TACC2: variants seen among roughly 807,000 people sequenced by gnomAD.
TACC2 encodes the protein transforming acidic coiled-coil containing protein 2.
Under a neutral mutation model 227.3 loss-of-function variants are expected in TACC2, and 137 were observed. The observed-to-expected ratio is 0.60, with a 90% CI of 0.52 to 0.69. The LOEUF (loss-of-function observed/expected upper bound fraction) is 0.69. Ranked by LOEUF, TACC2 falls within the 30% of genes least tolerant of loss-of-function variation. TACC2 has a pLI of 0.00. For synonymous variants in TACC2, 1,523 were observed against 1,487.5 expected, an observed-to-expected ratio of 1.02 and a Z score of -0.55; for missense variants, 3,470 against 3,694.4, an observed-to-expected ratio of 0.94 and a Z score of 1.57.
At position 122,082,986 on chromosome 10, in the gene TACC2, T is replaced by A. The variant is rs763800934; in HGVS notation, c.486T>A (p.Thr162=). 6.2e-7 allele frequency: 1 copy of A among 1,612,724 alleles called. No homozygotes were observed. The highest frequency in any genetic ancestry group is 1.1e-5 in the South Asian group (1 of 91,064). ...TTCCCGCTGAGAGGGACAGCTCTAC[T>A]CCATACCAAGAGATTGCTGCCGTCC... The part of the protein sequence containing the change: ...AAFPAERDSS[T]PYQEIAAVPS... Residue 162 remains threonine (T), a synonymous_variant, in exon 4 of 23, where the codon ACT becomes ACA. Coordinates refer to ENST00000369005, the MANE Select transcript of TACC2 (RefSeq NM_206862.4).
At chr10:122,019,627 A>C (rs567096750) in intron 1 of TACC2, 1 of 152,384 alleles carries the variant, frequency 6.6e-6, no homozygotes, top group East Asian at 1.9e-4. Flanking sequence ...AAGGCCCTGA[A>C]ACTGACGGGC....
intron 2 of TACC2, among the ~76,000 whole-genome samples, chr10:122,034,115 G>A (rs1218694132): frequency 7.2e-6 from 1 of 138,916 alleles, no homozygotes; most frequent in Non-Finnish European, 1.5e-5. Context: ...CTGTGCCACT[G>A]CACTCCAGCC....
intron 15 of TACC2, among the ~76,000 whole-genome samples, 199 bp downstream of exon 15, chr10:122,229,685 A>G (rs1279889373): frequency 1.3e-5 from 2 of 152,226 alleles, no homozygotes; most frequent in Non-Finnish European, 2.9e-5. Context: ...GTGTGATTAC[A>G]TATTGAACAA....
At chr10:122,238,064 G>A (rs377489956) in intron 18 of TACC2, 27 bp downstream of exon 18, 74 of 1,580,494 alleles carry the variant, frequency 4.7e-5, no homozygotes, top group Non-Finnish European at 5.2e-5. Context: ...GGCCTTCCTC[G>A]TGCCTGAGGG....
chr10:122,088,485 C>T lies in TACC2; in HGVS notation c.5467C>T (p.Pro1823Ser). Reference protein sequence around the residue: ...PEELHTDRESPRPGPSMLPSV... With the variant: ...PEELHTDRESSRPGPSMLPSV... ...TTTCTTTTATTATCCCAGAGAGAGC[C>T]CCAGGCCTGGCCCATCCATGTTACC... The change falls in exon 5 of 23, where the codon CCC becomes TCC. Residue 1823 changes from proline to serine, a missense_variant. Around this residue, in one of 10 missense-constraint regions of TACC2, gnomAD observed 1,924 missense variants for 1,978.3 expected, o/e 0.97. Transcript: ENST00000369005. The T allele has an allele frequency of 6.2e-7, 1 of 1,612,346 alleles. No homozygotes were observed. Among genetic ancestry groups the T allele is most frequent in the Non-Finnish European group, 8.5e-7 (1 of 1,179,260 alleles).
chr10:122,034,594 A>C (rs1258711473), intron 2 of TACC2, among the ~76,000 whole-genome samples: 3 of 152,166 alleles, frequency 2.0e-5, no homozygotes, highest in Non-Finnish European at 4.4e-5. Flanking sequence ...CCATCAGCAC[A>C]ACTTACCCTA....
intron 11 of TACC2, among the ~76,000 whole-genome samples, chr10:122,222,020 C>T (rs2095533131): frequency 6.6e-6 from 1 of 152,168 alleles, no homozygotes; most frequent in Non-Finnish European, 1.5e-5. Flanking sequence ...CCCTCAGAAA[C>T]GACAGGACCC....
chr10:122,190,387 G>A (rs190012170), intron 7 of TACC2, among the ~76,000 whole-genome samples: 4 of 152,252 alleles, frequency 2.6e-5, no homozygotes, highest in East Asian at 1.9e-4. Flanking sequence ...GAGCTTTTCC[G>A]ACTGTGCTCT....
chr10:122,147,858 C>T (rs1592607235), intron 7 of TACC2, among the ~76,000 whole-genome samples: 1 of 152,116 alleles, frequency 6.6e-6, no homozygotes, highest in African/African-American at 2.4e-5. Context: ...ATTGAGGCCC[C>T]CATTTCCTGG....
rs1320551911 is a variant in TACC2 at position 122,044,432 on chromosome 10, C to T, written c.34-6006C>T. Among the ~76,000 whole-genome samples, 9 of 152,350 alleles carry T rather than the reference C, an allele frequency of 5.9e-5. No homozygotes were observed. The South Asian group carries it at 1.0e-3, about 18-fold the overall frequency. Reference sequence around the variant, plus strand: ...CTAGCACAGAGCATGTGTTCATCCTCCATATTTGGTCAGCCTGGCAGTTGT... The same window carrying T: ...CTAGCACAGAGCATGTGTTCATCCTTCATATTTGGTCAGCCTGGCAGTTGT... On this transcript the variant is annotated intron_variant, in intron 2 of 22. Transcript: ENST00000369005.
chr10:122,090,563 GAA>G, intron 5 of TACC2, among the ~76,000 whole-genome samples: 1 of 105,868 alleles, frequency 9.4e-6, no homozygotes, highest in African/African-American at 3.4e-5. Context: ...AAAAAAAAAA[GAA>G]AAAAAAAAAA....
chr10:122,082,260 A>T (rs549690201), intron 3 of TACC2, among the ~76,000 whole-genome samples: 2 of 152,316 alleles, frequency 1.3e-5, no homozygotes, highest in South Asian at 4.1e-4. Flanking sequence ...GTAAGCTATC[A>T]TTGTGCCACT....
chr10:122,175,543 T>G (rs2093657347), intron 7 of TACC2, among the ~76,000 whole-genome samples: 1 of 152,212 alleles, frequency 6.6e-6, no homozygotes, highest in South Asian at 2.1e-4. Flanking sequence ...CGATGTAGGC[T>G]CAAAATTATG....
intron 6 of TACC2, among the ~76,000 whole-genome samples, chr10:122,136,452 C>T (rs996027047): frequency 3.3e-5 from 5 of 151,348 alleles, no homozygotes; most frequent in Middle Eastern, 3.5e-3. Context: ...GAACAGTCCT[C>T]GGGAGAGGTG....
chr10:122,101,723 CT>C (rs1179126977), intron 5 of TACC2, among the ~76,000 whole-genome samples: 2,224 of 55,652 alleles, frequency 0.04, 25 homozygotes, highest in African/African-American at 0.1. Flanking sequence ...CCATGCCCAG[CT>C]TTTTTTTTTT....
chr10:122,217,826 G>A (rs2095442216), intron 11 of TACC2, among the ~76,000 whole-genome samples: 1 of 152,086 alleles, frequency 6.6e-6, no homozygotes, highest in East Asian at 1.9e-4. Context: ...GGTGCACCAC[G>A]TTCCCAGTCC....
At chr10:122,096,551 C>T (rs1201953676) in intron 5 of TACC2, among the ~76,000 whole-genome samples, 1 of 152,102 alleles carries the variant, frequency 6.6e-6, no homozygotes, top group Non-Finnish European at 1.5e-5. Context: ...ACAAAATTCG[C>T]TGGGCAGGGT....
intron 2 of TACC2, among the ~76,000 whole-genome samples, chr10:122,047,793 G>C (rs1372579530): frequency 6.6e-6 from 1 of 152,214 alleles, no homozygotes; most frequent in Non-Finnish European, 1.5e-5. Context: ...CCTGGCATTA[G>C]TAAGTGCTCA....
chr10:122,250,737 A>G (rs1177765563), intron 22 of TACC2, among the ~76,000 whole-genome samples: 1 of 151,830 alleles, frequency 6.6e-6, no homozygotes, highest in Admixed American at 6.6e-5. Flanking sequence ...CTCGCACCCC[A>G]CCTCAGTGTC....
Sources: allele counts gnomAD v4.1 joint callset (sites outside exome capture counted in the v4.1 genomes callset), GRCh38; gene constraint gnomAD v4.1.1; regional missense constraint gnomAD v4.1.1; transcripts MANE v1.5; gene names NCBI Gene and HGNC (gene_info 2026-07-23, HGNC 2026-07-21).